FAAP20: variants seen among roughly 807,000 people sequenced by gnomAD.
FAAP20 encodes FA core complex associated protein 20, also known as Fanconi anemia core complex-associated protein 20.
FAAP20 carries 12 observed loss-of-function variants against 16.2 expected under a neutral mutation model. That is an observed-to-expected ratio of 0.74 (90% confidence interval 0.48 to 1.20). The LOEUF is 1.20. Ranked by LOEUF, FAAP20 falls within the 50% of genes most tolerant of loss-of-function variation. The pLI is 0.00. For synonymous variants in FAAP20, 141 were observed against 110.7 expected (o/e 1.27, Z -1.72); for missense variants, 288 against 245.8 (o/e 1.17, Z -1.15).
chr1:2,191,237 C>T (rs1193140309), intron 3 of FAAP20: 1 of 152,570 alleles, frequency 6.6e-6, no homozygotes, highest in African/African-American at 2.4e-5. Flanking sequence ...CAGACCCCCG[C>T]CTGTGGCGGA....
chr1:2,203,036 G>A (rs1303849468), upstream of FAAP20, among the ~76,000 whole-genome samples: 3 of 152,188 alleles, frequency 2.0e-5, no homozygotes, highest in Non-Finnish European at 4.4e-5. Context: ...CTGTCCATCC[G>A]AGTGGGACAC....
upstream of FAAP20, chr1:2,203,958 A>T (rs977322715): frequency 1.2e-4 from 19 of 152,266 alleles, no homozygotes; most frequent in Admixed American, 1.1e-3. Context: ...GCACCCACTG[A>T]CCTCCCACTG....
chr1:2,196,709 G>A (rs1688841688), upstream of FAAP20, among the ~76,000 whole-genome samples: 1 of 152,154 alleles, frequency 6.6e-6, no homozygotes. This position sits in a 1 kb window ranked among gnomAD's most constrained non-coding sequence, Gnocchi z 4.5. Context: ...GCATGGTGGT[G>A]CACACCTTTA....
upstream of FAAP20, among the ~76,000 whole-genome samples, chr1:2,196,012 C>A (rs1015367474): frequency 6.6e-6 from 1 of 152,130 alleles, no homozygotes; most frequent in African/African-American, 2.4e-5. The surrounding 1 kb of genome is among the most constrained non-coding windows in gnomAD (Gnocchi z 4.5). Flanking sequence ...TCTCAGGGGG[C>A]CCTGTGGGAG....
intron 3 of FAAP20, chr1:2,190,274 GAGA>G (rs1222273787): frequency 4.4e-6 from 2 of 456,668 alleles, no homozygotes; most frequent in East Asian, 6.9e-5. Flanking sequence ...CCTCACCACG[GAGA>G]AGGACGCCGT....
At chr1:2,189,436 T>G, downstream of FAAP20, 1 of 507,932 alleles carries the variant, frequency 2.0e-6, no homozygotes, top group Non-Finnish European at 3.6e-6. Context: ...CTGTCCACAG[T>G]GGGGGCGCCA....
At chr1:2,198,971 G>T (rs928529794), upstream of FAAP20, 4 of 1,288,384 alleles carry the variant, frequency 3.1e-6, no homozygotes, top group Non-Finnish European at 4.0e-6. Flanking sequence ...AGCAGAGCAG[G>T]TGCTCGGGCC....
At chr1:2,189,938 G>A in intron 3 of FAAP20, 157 bp from the exon 4 acceptor site, 2 of 660,718 alleles carry the variant, frequency 3.0e-6, no homozygotes, top group Non-Finnish European at 2.8e-6. Flanking sequence ...TCATGCACCC[G>A]GCAGACCACG....
At chr1:2,201,412 G>A (rs550769922), upstream of FAAP20, among the ~76,000 whole-genome samples, 7 of 152,294 alleles carry the variant, frequency 4.6e-5, no homozygotes, top group Non-Finnish European at 7.4e-5. Context: ...TGGTAGAATT[G>A]CTGACTTTTA....
Position 2,194,129 on chromosome 1 carries a change from A to G in FAAP20, c.67T>C (p.Ser23Pro), listed in dbSNP as rs761066785. 6.2e-7 allele frequency: 1 copy of G among 1,612,024 alleles called. No individual in the cohort carries two copies. The highest frequency in any genetic ancestry group is 8.5e-7 in the Non-Finnish European group (1 of 1,179,814). ...AGGAGAAACCAGGGGCGGCCGCCAGAAGGCCTGGGGCAGACAGAGAGGGCA... is the reference window on the plus strand; with the variant it reads ...AGGAGAAACCAGGGGCGGCCGCCAGGAGGCCTGGGGCAGACAGAGAGGGCA... ...RRRPRPAGGP[S>P]GGRPWFLLGG... Residue 23 changes from serine (S) to proline (P), a missense_variant, in exon 2 of 4, where the codon TCT becomes CCT. Coordinates refer to ENST00000378546, the MANE Select transcript of FAAP20 (RefSeq NM_182533.4).
At chr1:2,204,924 T>G (rs2100750414) in intron 3 of FAAP20, among the ~76,000 whole-genome samples, 2 of 5,994 alleles carry the variant, frequency 3.3e-4, no homozygotes, top group African/African-American at 6.7e-4. Context: ...CCTCCCTCCC[T>G]TCGGGCCCCC....
At chr1:2,196,896 C>T (rs968243173), upstream of FAAP20, among the ~76,000 whole-genome samples, 2 of 152,208 alleles carry the variant, frequency 1.3e-5, no homozygotes, top group Non-Finnish European at 2.9e-5. The surrounding 1 kb of genome is among the most constrained non-coding windows in gnomAD (Gnocchi z 4.5). Flanking sequence ...TTGCTCAGCT[C>T]TCTGTGCCGT....
upstream of FAAP20, among the ~76,000 whole-genome samples, chr1:2,202,633 T>G (rs384812): frequency 0.11 from 16,636 of 151,772 alleles, 1,237 homozygotes; most frequent in Admixed American, 0.17. Flanking sequence ...CTGGTTAATT[T>G]TTTGTTTTGT....
chr1:2,201,254 G>A, upstream of FAAP20: 1 of 1,183,070 alleles, frequency 8.5e-7, no homozygotes, highest in East Asian at 6.2e-5. Context: ...ACAGTGGGTG[G>A]CCTGGGCCCT....
At chr1:2,200,947 C>G, upstream of FAAP20, 1 of 1,193,500 alleles carries the variant, frequency 8.4e-7, no homozygotes, top group Non-Finnish European at 1.1e-6. Context: ...GCTTTGTCCC[C>G]AGTTCAGCAC....
downstream of FAAP20, among the ~76,000 whole-genome samples, chr1:2,208,736 C>T (rs1689354580): frequency 6.6e-6 from 1 of 152,222 alleles, no homozygotes; most frequent in Non-Finnish European, 1.5e-5. Flanking sequence ...TGGGAGGGGC[C>T]AGCCAGGGGC....
downstream of FAAP20, among the ~76,000 whole-genome samples, chr1:2,189,026 A>C (rs1279982513): frequency 1.1e-4 from 16 of 144,948 alleles, no homozygotes; most frequent in South Asian, 4.4e-4. Context: ...AAAAAAAAAA[A>C]AACAAAAAGA....
upstream of FAAP20, chr1:2,194,850 C>T: frequency 1.9e-6 from 2 of 1,026,500 alleles, no homozygotes; most frequent in Non-Finnish European, 2.4e-6. Flanking sequence ...AGCGAGGCCG[C>T]CCCCCTCCGA....
chr1:2,193,740 T>C lies in FAAP20; in HGVS notation c.369A>G (p.Ala123=), dbSNP rs1334831487. The C allele has an allele frequency of 6.3e-7, 1 of 1,590,572 alleles. No individual in the cohort carries two copies. Among genetic ancestry groups the C allele is most frequent in the Non-Finnish European group, 8.5e-7 (1 of 1,172,516 alleles). ...SPARSLPQRP[A]PDPCRAPRVE... is the part of the protein sequence containing the mutation. ...CCCTGGGGGCCCTGCAGGGATCAGG[T>C]GCCGGGCGCTGGGGCAGGGACCTGG... Residue 123 remains alanine, a synonymous_variant, in exon 3 of 4, where the codon GCA becomes GCG. Transcript: ENST00000378546.
Sources: gnomAD v4.1 joint callset for allele counts (sites outside exome capture counted in the v4.1 genomes callset) on GRCh38, gnomAD v4.1.1 for gene constraint, Gnocchi (gnomAD v3.1) non-coding constraint, MANE v1.5 for transcripts, NCBI Gene and HGNC (gene_info 2026-07-23, HGNC 2026-07-21) for gene names.